The following CCDC192 variants were observed in gnomAD, a reference collection of about 807,000 sequenced individuals.
The protein encoded by CCDC192 is coiled-coil domain containing 192.
chr5:127,919,446 C>A (rs1019102649), intron 6 of CCDC192, among the ~76,000 whole-genome samples: 5 of 151,922 alleles, frequency 3.3e-5, no homozygotes, highest in African/African-American at 1.2e-4. Flanking sequence ...CTTCCAGAAC[C>A]CATCCATATT....
intron 2 of CCDC192, among the ~76,000 whole-genome samples, chr5:127,749,707 C>T (rs1385061673): frequency 3.3e-5 from 5 of 152,148 alleles, no homozygotes; most frequent in African/African-American, 1.2e-4. Flanking sequence ...CCTCCTTTTA[C>T]CTATGGTAGA....
chr5:127,774,785 A>G (rs1386639443), intron 3 of CCDC192, among the ~76,000 whole-genome samples: 1 of 152,226 alleles, frequency 6.6e-6, no homozygotes, highest in African/African-American at 2.4e-5. Flanking sequence ...TTATTCTGAA[A>G]AAAAGAAGCC....
chr5:127,729,251 C>A (rs1299709221), intron 2 of CCDC192, among the ~76,000 whole-genome samples: 1 of 151,912 alleles, frequency 6.6e-6, no homozygotes, highest in African/African-American at 2.4e-5. Context: ...CAACAAAGAT[C>A]AAAAAAGACA....
rs1754405459 is a variant in CCDC192, at chr5:127,941,495, T to G, written c.*27T>G. On this transcript the variant is annotated 3_prime_UTR_variant, in exon 7 of 7. Coordinates refer to ENST00000514853, the MANE Select transcript of CCDC192 (RefSeq NM_001317938.2). ...TTCCCAATAAGAAAACAATAAAAGT[T>G]TATTAAGTGTCATCCAGGTAAAGTC... 1 of 398,870 alleles carries G rather than the reference T, an allele frequency of 2.5e-6. No individual in the cohort carries two copies. The highest frequency in any genetic ancestry group is 2.1e-5 in the African/African-American group (1 of 48,630). 24.7% of individuals were successfully genotyped at this position (398,870 alleles called of 1,614,324 possible).
At chr5:127,703,985 T>A (rs1750821172) in intron 1 of CCDC192, among the ~76,000 whole-genome samples, 2 of 152,236 alleles carry the variant, frequency 1.3e-5, no homozygotes, top group African/African-American at 4.8e-5. Flanking sequence ...CTTCTCTAAT[T>A]GATCTGCATT....
chr5:127,799,456 C>T (rs1757361939), intron 5 of CCDC192, among the ~76,000 whole-genome samples: 1 of 152,150 alleles, frequency 6.6e-6, no homozygotes, highest in Admixed American at 6.6e-5. Flanking sequence ...TATTTTGTTG[C>T]AGATGCCTTT....
intron 5 of CCDC192, among the ~76,000 whole-genome samples, chr5:127,855,048 C>A (rs990184246): frequency 6.6e-6 from 1 of 152,122 alleles, no homozygotes; most frequent in African/African-American, 2.4e-5. Flanking sequence ...AAGTGGTAAT[C>A]TTTTTGCTGG....
rs574892141 is a variant in CCDC192 at position 127,786,561 on chromosome 5, T to A, written c.223-10542T>A. 252 of 685,062 alleles carry A rather than the reference T, an allele frequency of 3.7e-4. 4 individuals carry two copies. Among genetic ancestry groups the A allele is most frequent in the South Asian group, 3.5e-3 (227 of 64,562 alleles). The allele number at this position is 685,062 out of a possible 1,614,324, so 42.4% of individuals were successfully genotyped here. On this transcript the variant is annotated intron_variant, in intron 3 of 6. Transcript: ENST00000514853. ...CTAAATGGTCTCTCCAAGTCACCAA[T>A]GCAAGGGAATAGATTTCACATATTC... is the stretch of plus-strand genomic sequence containing the variant.
At chr5:127,807,451 C>T (rs1221528066) in intron 5 of CCDC192, among the ~76,000 whole-genome samples, 1 of 151,986 alleles carries the variant, frequency 6.6e-6, no homozygotes, top group Admixed American at 6.6e-5. Flanking sequence ...ATTTAATTGT[C>T]TGTTTCTTTC....
At chr5:127,885,930 T>G (rs1169535150) in intron 6 of CCDC192, among the ~76,000 whole-genome samples, 1 of 152,164 alleles carries the variant, frequency 6.6e-6, no homozygotes, top group Admixed American at 6.5e-5. Context: ...AGCCATAATT[T>G]GATATTTGCC....
chr5:127,846,810 T>C (rs1021316671), intron 5 of CCDC192, among the ~76,000 whole-genome samples: 7 of 78,842 alleles, frequency 8.9e-5, no homozygotes, highest in African/African-American at 3.1e-4. Context: ...ATTCACCTAG[T>C]CAATAAAGCA....
At chr5:127,897,082 A>G (rs996833556) in intron 6 of CCDC192, among the ~76,000 whole-genome samples, 1 of 150,840 alleles carries the variant, frequency 6.6e-6, no homozygotes, top group Non-Finnish European at 1.5e-5. Flanking sequence ...TAAAGGTTTT[A>G]TCATCTTCTA....
Position 127,792,822 on chromosome 5 carries a change from GAA to G in CCDC192, c.223-4280_223-4279del, listed in dbSNP as rs768693618. ...AGGAGGAGGAGAAGAGGAAGAAGAA[GAA>G]GAAGGAGGAGGAGGAGGAGGAGAAG... On this transcript the variant is annotated intron_variant, in intron 3 of 6. Transcript: ENST00000514853. Among the ~76,000 whole-genome samples, 439 of 150,524 alleles carry G rather than the reference GAA, an allele frequency of 2.9e-3. 2 individuals carry two copies. Among genetic ancestry groups the G allele is most frequent in the Non-Finnish European group, 5.1e-3 (347 of 67,864 alleles).
chr5:127,791,607 A>G (rs1756870653), intron 3 of CCDC192, among the ~76,000 whole-genome samples: 2 of 152,232 alleles, frequency 1.3e-5, no homozygotes, highest in African/African-American at 2.4e-5. Flanking sequence ...GGCCGCAGAA[A>G]TATTAGAATA....
rs557965650 is a variant in CCDC192, at chr5:127,791,474, T to G, written c.223-5629T>G. 1.7e-4 allele frequency among the ~76,000 whole-genome samples: 26 copies of G among 152,290 alleles called. No individual in the cohort carries two copies. The South Asian group carries it at 5.0e-3, about 29-fold the overall frequency. ...CCTGTCACAAAAATAACTACTGAAC[T>G]GGCAAGAACTGTCAGAATCAATCAT... is the stretch of plus-strand genomic sequence containing the variant. On this transcript the variant is annotated intron_variant, in intron 3 of 6. Transcript: ENST00000514853.
At chr5:127,901,357 C>A (rs1245233955) in intron 6 of CCDC192, among the ~76,000 whole-genome samples, 1 of 152,048 alleles carries the variant, frequency 6.6e-6, no homozygotes, top group Non-Finnish European at 1.5e-5. Context: ...AAAAAGTAAT[C>A]ATTAGGCAGT....
chr5:127,743,957 G>A (rs1194446612), intron 2 of CCDC192, among the ~76,000 whole-genome samples: 1 of 151,874 alleles, frequency 6.6e-6, no homozygotes, highest in Non-Finnish European at 1.5e-5. Flanking sequence ...AGCCAGGCAT[G>A]GTGGCGGGCG....
chr5:127,732,709 G>A (rs1192757856), intron 2 of CCDC192, among the ~76,000 whole-genome samples: 1 of 152,170 alleles, frequency 6.6e-6, no homozygotes, highest in Non-Finnish European at 1.5e-5. Context: ...GATGGAGCTG[G>A]AAGCCATTAT....
intron 2 of CCDC192, among the ~76,000 whole-genome samples, chr5:127,718,329 AAG>A (rs1186924789): frequency 3.9e-5 from 6 of 152,220 alleles, no homozygotes; most frequent in Non-Finnish European, 5.9e-5. Context: ...GAATTTCCCC[AAG>A]AGGCACCAGT....
Sources: allele counts gnomAD v4.1 joint callset (sites outside exome capture counted in the v4.1 genomes callset), GRCh38; gene constraint gnomAD v4.1.1; transcripts MANE v1.5; gene names NCBI Gene and HGNC (gene_info 2026-07-23, HGNC 2026-07-21).